Variants in ANK2 observed in about 807,000 individuals in gnomAD.
ANK2 encodes the protein ankyrin-2.
Under a neutral mutation model 360.5 loss-of-function variants are expected in ANK2, and 83 were observed. That is an observed-to-expected ratio of 0.23 (90% CI 0.19 to 0.28). ANK2 has a LOEUF of 0.28. Among genes scored for constraint, ANK2 ranks in the 10% least tolerant of loss-of-function variants. The pLI, the probability that ANK2 is intolerant of heterozygous loss-of-function variation, is 1.00. For synonymous variants in ANK2, 1,740 were observed against 1,759.5 expected (o/e 0.99, Z 0.28); for missense variants, 4,201 against 4,795.7 (o/e 0.88, Z 3.66).
chr4:113,067,113 TA>T (rs1285451793), intron 1 of ANK2, among the ~76,000 whole-genome samples: 1 of 129,876 alleles, frequency 7.7e-6, no homozygotes, highest in Admixed American at 8.5e-5. Flanking sequence ...TTGAAAGGCT[TA>T]AAAAAGTGGG....
chr4:112,933,904 A>AT (rs36126738), intron 2 of ANK2, among the ~76,000 whole-genome samples: 1,478 of 147,652 alleles, frequency 0.01, 17 homozygotes, highest in African/African-American at 0.029. Context: ...ACCTTGTGGA[A>AT]TTTTTTTTTT....
intron 2 of ANK2, among the ~76,000 whole-genome samples, chr4:112,989,950 A>G (rs2046195621): frequency 6.6e-6 from 1 of 152,186 alleles, no homozygotes; most frequent in East Asian, 1.9e-4. Context: ...TACTGTAGCA[A>G]ACTAAATTAA....
intron 31 of ANK2, 119 bp downstream of exon 31, chr4:113,336,900 A>G: frequency 1.1e-6 from 1 of 932,954 alleles, no homozygotes; most frequent in Non-Finnish European, 1.7e-6. Context: ...AATTCAGGGA[A>G]TACATTTTAA....
chr4:113,190,935 TTTC>T (rs1284651414), intron 2 of ANK2, among the ~76,000 whole-genome samples: 5 of 152,238 alleles, frequency 3.3e-5, no homozygotes, highest in African/African-American at 1.2e-4. Context: ...ATAGAAATGT[TTTC>T]TTCTTATACA....
At chr4:112,836,856 G>A (rs2061094463) in intron 1 of ANK2, among the ~76,000 whole-genome samples, 1 of 152,192 alleles carries the variant, frequency 6.6e-6, no homozygotes, top group South Asian at 2.1e-4. Context: ...CTTGAAATTG[G>A]AACTTATGTT....
At chr4:112,802,747 A>G in the ANK2 span, among the ~76,000 whole-genome samples, 2 of 152,232 alleles carry the variant, frequency 1.3e-5, no homozygotes, top group Non-Finnish European at 2.9e-5. Flanking sequence ...GAAGAGCAAT[A>G]TAGACAACAT....
chr4:112,742,389 G>A, the ANK2 span, among the ~76,000 whole-genome samples: 1 of 136,432 alleles, frequency 7.3e-6, no homozygotes, highest in African/African-American at 2.9e-5. Context: ...ACTTTTCACT[G>A]AATTCTATGT....
Position 113,221,290 on chromosome 4 carries a change from T to TACA in ANK2, c.385-10871_385-10870insACA, listed in dbSNP as rs1477258502. On this transcript the variant is annotated intron_variant, in intron 4 of 45. Transcript: ENST00000357077. ...AACATCACAATATGTATTAAAGGTT[T>TACA]GTTTTCATTATAACTTACTGAGTAA... is the stretch of plus-strand genomic sequence containing the variant. Among the ~76,000 whole-genome samples the TACA allele has an allele frequency of 6.2e-3, 941 of 152,310 alleles. 7 individuals carry two copies. The highest frequency in any genetic ancestry group is 0.021 in the African/African-American group (879 of 41,556).
chr4:113,240,637 A>G, intron 8 of ANK2, 54 bp downstream of exon 8: 3 of 1,474,748 alleles, frequency 2.0e-6, no homozygotes, highest in Non-Finnish European at 2.8e-6. Context: ...ATATTTTAAT[A>G]AAGTAAAAAG....
chr4:113,322,864 G>A (rs1000864269), intron 26 of ANK2, among the ~76,000 whole-genome samples: 15 of 152,060 alleles, frequency 9.9e-5, no homozygotes, highest in African/African-American at 3.4e-4. Context: ...TAATATGTAC[G>A]GCAGTTAAGT....
intron 2 of ANK2, among the ~76,000 whole-genome samples, chr4:113,191,675 G>T (rs1230743719): frequency 6.6e-6 from 1 of 152,094 alleles, no homozygotes; most frequent in African/African-American, 2.4e-5. Context: ...GCATGTAACT[G>T]GGAAATAATA....
intron 34 of ANK2, among the ~76,000 whole-genome samples, chr4:113,343,619 A>G (rs1029403512): frequency 6.6e-6 from 1 of 152,196 alleles, no homozygotes; most frequent in Non-Finnish European, 1.5e-5. Flanking sequence ...TCATAAATTC[A>G]TTCAATAAAC....
chr4:113,074,251 C>T (rs1561875347), intron 1 of ANK2, among the ~76,000 whole-genome samples: 1 of 152,128 alleles, frequency 6.6e-6, no homozygotes, highest in Non-Finnish European at 1.5e-5. Flanking sequence ...GTGTTCAAGA[C>T]CCTTATTAAA....
chr4:113,024,859 A>G (rs911438834), intron 2 of ANK2, among the ~76,000 whole-genome samples: 1 of 152,190 alleles, frequency 6.6e-6, no homozygotes, highest in Non-Finnish European at 1.5e-5. Flanking sequence ...TTATTTAAAT[A>G]TTTATCTTTC....
At chr4:113,049,604 A>G, upstream of ANK2, 1 of 1,460,432 alleles carries the variant, frequency 6.8e-7, no homozygotes, top group Non-Finnish European at 9.2e-7. Flanking sequence ...TTACCCTCCC[A>G]GTGCGCGCCC....
At chr4:112,761,748 A>G in the ANK2 span, among the ~76,000 whole-genome samples, 5 of 152,206 alleles carry the variant, frequency 3.3e-5, no homozygotes, top group African/African-American at 7.2e-5. Context: ...TTCCTCTACT[A>G]TACTTCTTCA....
intron 1 of ANK2, among the ~76,000 whole-genome samples, chr4:113,118,377 CTTAATA>C (rs1440889169): frequency 2.0e-5 from 3 of 152,184 alleles, no homozygotes; most frequent in African/African-American, 7.2e-5. Flanking sequence ...GATCCATATA[CTTAATA>C]ATCCATATGC....
At chr4:112,950,698 G>C (rs1268573313) in intron 2 of ANK2, among the ~76,000 whole-genome samples, 1 of 151,282 alleles carries the variant, frequency 6.6e-6, no homozygotes, top group Non-Finnish European at 1.5e-5. Flanking sequence ...AAAATACCTA[G>C]CATGAGTGAA....
At chr4:112,940,498 A>G (rs932026460) in intron 2 of ANK2, among the ~76,000 whole-genome samples, 10 of 152,228 alleles carry the variant, frequency 6.6e-5, no homozygotes, top group African/African-American at 2.2e-4. Context: ...TTAAAAAATT[A>G]CAGACATGAG....
Sources: gnomAD v4.1 joint callset for allele counts (sites outside exome capture counted in the v4.1 genomes callset) on GRCh38, gnomAD v4.1.1 for gene constraint, MANE v1.5 for transcripts, NCBI Gene and HGNC (gene_info 2026-07-23, HGNC 2026-07-21) for gene names.